ATXN1: variants seen among roughly 807,000 people sequenced by gnomAD.
ATXN1 encodes ataxin 1.
A neutral mutation model predicts 56.4 loss-of-function variants in ATXN1; 8 were observed. That is an observed-to-expected ratio of 0.14 (90% CI 0.08 to 0.26). ATXN1 has a LOEUF of 0.26. Ranked by LOEUF, ATXN1 falls within the 10% of genes least tolerant of loss-of-function variation. The probability of loss-of-function intolerance (pLI) is 1.00; values close to 1 mark genes in which losing one functional copy is unlikely to be tolerated. For synonymous variants in ATXN1, 514 were observed against 494.6 expected, an observed-to-expected ratio of 1.04 and a Z score of -0.52; for missense variants, 987 against 1,106.5, an observed-to-expected ratio of 0.89 and a Z score of 1.53.
chr6:16,309,988 C>T (rs569548952), intron 7 of ATXN1, among the ~76,000 whole-genome samples: 1 of 150,506 alleles, frequency 6.6e-6, no homozygotes, highest in African/African-American at 2.4e-5. Context: ...GAGCCAAGAT[C>T]GTTGCAGTGA....
intron 3 of ATXN1, among the ~76,000 whole-genome samples, chr6:16,596,710 C>T (rs572943368): frequency 6.6e-6 from 1 of 152,284 alleles, no homozygotes; most frequent in African/African-American, 2.4e-5. Flanking sequence ...ATCCACTTCC[C>T]ACCCAAAGCA....
rs1020962080 is a variant in ATXN1 at position 16,302,687 on chromosome 6, G to A, written c.*3642C>T. ...TTAATAGTATTATTTTTTTCTTTTC[G>A]CCCTGACTAATTTCTTGGTGATTGT... On this transcript the variant is annotated 3_prime_UTR_variant, in exon 8 of 8. Transcript: ENST00000436367. The A allele has an allele frequency of 2.0e-5, 3 of 152,184 alleles. No individual in the cohort carries two copies. The highest frequency in any genetic ancestry group is 4.2e-4 in the South Asian group (2 of 4,800). The allele number at this position is 152,184 out of a possible 1,614,324, so 9.4% of individuals were successfully genotyped here. A position where few individuals can be genotyped will look rare whatever the true frequency, so the allele number is the denominator to read the frequency against.
intron 1 of ATXN1, among the ~76,000 whole-genome samples, chr6:16,756,806 A>T (rs554107427): frequency 6.6e-6 from 1 of 152,310 alleles, no homozygotes; most frequent in East Asian, 1.9e-4. Context: ...ACATTTACCT[A>T]CTTACGTGAG....
intron 6 of ATXN1, among the ~76,000 whole-genome samples, chr6:16,430,931 C>T (rs1034870892): frequency 2.6e-5 from 4 of 152,054 alleles, no homozygotes; most frequent in African/African-American, 9.7e-5. Context: ...AAAAAAGAGG[C>T]GGGAGAAATG....
At chr6:16,730,313 CAAT>C (rs1759940634) in intron 2 of ATXN1, among the ~76,000 whole-genome samples, 1 of 152,012 alleles carries the variant, frequency 6.6e-6, no homozygotes, top group South Asian at 2.1e-4. Flanking sequence ...TGGAAATGAA[CAAT>C]AACTTGGAAT....
intron 6 of ATXN1, among the ~76,000 whole-genome samples, chr6:16,447,955 G>T (rs1759668382): frequency 6.6e-6 from 1 of 152,138 alleles, no homozygotes; most frequent in Non-Finnish European, 1.5e-5. Flanking sequence ...AGGGGCTAGG[G>T]TCTAAAGTTC....
intron 2 of ATXN1, among the ~76,000 whole-genome samples, chr6:16,670,491 G>GA (rs1454368100): frequency 6.6e-6 from 1 of 152,146 alleles, no homozygotes; most frequent in Non-Finnish European, 1.5e-5. Context: ...CAACAAGCAA[G>GA]AAAAAAGAGA....
intron 6 of ATXN1, among the ~76,000 whole-genome samples, chr6:16,469,960 C>CAA (rs5874559): frequency 7.2e-6 from 1 of 138,890 alleles, no homozygotes; most frequent in Non-Finnish European, 1.6e-5. Flanking sequence ...AACTCTGTCT[C>CAA]AAAAAAAAAA....
chr6:16,408,798 T>C (rs1239039998), intron 6 of ATXN1, among the ~76,000 whole-genome samples: 1 of 152,204 alleles, frequency 6.6e-6, no homozygotes, highest in Non-Finnish European at 1.5e-5. Context: ...TGGAGGGTAG[T>C]GGCATGTTCT....
intron 2 of ATXN1, among the ~76,000 whole-genome samples, chr6:16,690,089 G>T (rs68096947): frequency 0.12 from 17,718 of 151,924 alleles, 1,099 homozygotes; most frequent in Middle Eastern, 0.16. Context: ...TTTTAATTTT[G>T]ATGTTTATTA....
chr6:16,367,251 G>T (rs1358569803), intron 6 of ATXN1, among the ~76,000 whole-genome samples: 1 of 152,098 alleles, frequency 6.6e-6, no homozygotes, highest in Non-Finnish European at 1.5e-5. Flanking sequence ...TACTGGGGAG[G>T]GGGCAGAGAT....
chr6:16,364,607 C>G (rs1419376395), intron 6 of ATXN1, among the ~76,000 whole-genome samples: 1 of 152,120 alleles, frequency 6.6e-6, no homozygotes, highest in African/African-American at 2.4e-5. Context: ...CCAGCCAGTT[C>G]TAGATATTTT....
chr6:16,407,112 A>G (rs1758702058), intron 6 of ATXN1, among the ~76,000 whole-genome samples: 1 of 152,256 alleles, frequency 6.6e-6, no homozygotes, highest in African/African-American at 2.4e-5. Context: ...GCAGGAGACT[A>G]GTGATCATCC....
intron 2 of ATXN1, among the ~76,000 whole-genome samples, chr6:16,747,786 A>T (rs998803107): frequency 1.3e-5 from 2 of 149,378 alleles, no homozygotes; most frequent in African/African-American, 4.8e-5. Context: ...GAATGAGCTC[A>T]GATTCATTCA....
At chr6:16,495,814 G>A (rs1760769392) in intron 5 of ATXN1, among the ~76,000 whole-genome samples, 1 of 151,042 alleles carries the variant, frequency 6.6e-6, no homozygotes. Context: ...AGTGAGCCGA[G>A]ATCATGCCAC....
chr6:16,722,391 A>G (rs188887956), intron 2 of ATXN1, among the ~76,000 whole-genome samples: 319 of 152,342 alleles, frequency 2.1e-3, no homozygotes, highest in Non-Finnish European at 3.8e-3. Flanking sequence ...CTCAAAATGC[A>G]TTTACATGTT....
At chr6:16,758,585 G>A (rs909494126) in intron 1 of ATXN1, among the ~76,000 whole-genome samples, 1 of 152,178 alleles carries the variant, frequency 6.6e-6, no homozygotes, top group African/African-American at 2.4e-5. Flanking sequence ...CTCTCGTCTG[G>A]CTTGGGCAGC....
intron 6 of ATXN1, among the ~76,000 whole-genome samples, chr6:16,329,134 T>G (rs1760920267): frequency 6.6e-6 from 1 of 152,034 alleles, no homozygotes; most frequent in African/African-American, 2.4e-5. Flanking sequence ...GATGATGCAG[T>G]TCTTAAATTT....
In ATXN1 at chr6:16,761,351, G is replaced by A; in HGVS notation, c.-783C>T. 1 of 456,522 alleles carries A rather than the reference G, an allele frequency of 2.2e-6. No individual in the cohort carries two copies. Among genetic ancestry groups the A allele is most frequent in the Admixed American group, 2.3e-5 (1 of 42,572 alleles). 28.3% of individuals were successfully genotyped at this position (456,522 alleles called of 1,614,324 possible). On this transcript the variant is annotated 5_prime_UTR_variant, in exon 1 of 8. Transcript: ENST00000436367. ...GTGGGGAAGGGGGGGCAGAGGGAGA[G>A]AAACAATGTCTTGCGGCTGCTGTTG... is the stretch of plus-strand genomic sequence containing the variant.
Sources: allele counts gnomAD v4.1 joint callset (sites outside exome capture counted in the v4.1 genomes callset), GRCh38; gene constraint gnomAD v4.1.1; transcripts MANE v1.5; gene names NCBI Gene and HGNC (gene_info 2026-07-23, HGNC 2026-07-21).